Variants in GALNT7 observed in about 807,000 individuals in gnomAD.
GALNT7 encodes N-acetylgalactosaminyltransferase 7.
In GALNT7, 60 loss-of-function variants were observed where a neutral mutation model predicts 82.1. The ratio of observed to expected loss-of-function variants is 0.73; its 90% confidence interval spans 0.59 to 0.91. The LOEUF (loss-of-function observed/expected upper bound fraction) is 0.91, where lower values mean the gene tolerates loss of function less well. GALNT7 is among the 40% of genes least tolerant of loss of function. The probability of loss-of-function intolerance (pLI) is 0.00; values close to 1 mark genes in which losing one functional copy is unlikely to be tolerated. For synonymous variants in GALNT7, 243 were observed against 275.1 expected, an observed-to-expected ratio of 0.88 and a Z score of 1.15; for missense variants, 660 against 804.2, an observed-to-expected ratio of 0.82 and a Z score of 2.17.
intron 2 of GALNT7, among the ~76,000 whole-genome samples, chr4:173,277,884 G>A (rs943163659): frequency 5.9e-5 from 9 of 152,158 alleles, no homozygotes; most frequent in Admixed American, 3.3e-4. Context: ...CATCTTAAGA[G>A]TGCACTAGAT....
At chr4:173,275,264 A>G (rs1404609004) in intron 2 of GALNT7, among the ~76,000 whole-genome samples, 3 of 152,224 alleles carry the variant, frequency 2.0e-5, no homozygotes, top group Non-Finnish European at 4.4e-5. Context: ...TGAATGGTCC[A>G]ATGACGATGT....
intron 2 of GALNT7, among the ~76,000 whole-genome samples, chr4:173,270,778 A>G (rs1735693997): frequency 6.6e-6 from 1 of 152,236 alleles, no homozygotes; most frequent in Admixed American, 6.5e-5. Flanking sequence ...TTCTTCCAGC[A>G]GAGCTCTTGT....
At chr4:173,293,518 C>T (rs897721272) in intron 3 of GALNT7, among the ~76,000 whole-genome samples, 1 of 151,742 alleles carries the variant, frequency 6.6e-6, no homozygotes, top group African/African-American at 2.4e-5. Context: ...CTAATATATT[C>T]AGAAAGTAAA....
In GALNT7 at chr4:173,257,211, A is replaced by G. The variant is rs140028755; in HGVS notation, c.587+8771A>G. Among the ~76,000 whole-genome samples, 298 of 152,318 alleles carry G rather than the reference A, an allele frequency of 2.0e-3. 1 individual carries two copies. Among genetic ancestry groups the G allele is most frequent in the African/African-American group, 6.6e-3 (275 of 41,582 alleles). ...AAAATTGACTTCAACTCCTTGATCT[A>G]TAGGAATCATTTGTGACAGTTTCCC... On this transcript the variant is annotated intron_variant, in intron 2 of 11. Transcript: ENST00000265000.
At chr4:173,181,630 G>A (rs908977420) in intron 1 of GALNT7, among the ~76,000 whole-genome samples, 2 of 152,166 alleles carry the variant, frequency 1.3e-5, no homozygotes, top group Admixed American at 6.5e-5. Flanking sequence ...TGTAGGGTAC[G>A]TGAAAGCACA....
At chr4:173,276,184 G>A (rs1005383933) in intron 2 of GALNT7, among the ~76,000 whole-genome samples, 2 of 152,112 alleles carry the variant, frequency 1.3e-5, no homozygotes, top group Non-Finnish European at 2.9e-5. Flanking sequence ...GTACTCGTGT[G>A]ACAAAGGAGT....
chr4:173,260,837 TAATA>T (rs764297177), intron 2 of GALNT7, among the ~76,000 whole-genome samples: 7 of 152,208 alleles, frequency 4.6e-5, no homozygotes, highest in Non-Finnish European at 8.8e-5. Flanking sequence ...TGCATACATT[TAATA>T]AATATTAATA....
intron 1 of GALNT7, among the ~76,000 whole-genome samples, chr4:173,204,297 A>T (rs979580749): frequency 6.6e-6 from 1 of 152,066 alleles, no homozygotes; most frequent in Non-Finnish European, 1.5e-5. Context: ...TGATTATAGT[A>T]TGTCTTGGTG....
At chr4:173,207,166 C>T (rs182847191) in intron 1 of GALNT7, among the ~76,000 whole-genome samples, 38 of 152,112 alleles carry the variant, frequency 2.5e-4, no homozygotes, top group Non-Finnish European at 5.0e-4. Flanking sequence ...GTTTTGAGTA[C>T]CAGGACTGTG....
In GALNT7 at chr4:173,297,805, A is replaced by T. The variant is rs1015372729; in HGVS notation, c.966-310A>T. On this transcript the variant is annotated intron_variant, in intron 5 of 11. Transcript: ENST00000265000. ...CTGTAAATGTTTCAGAACTACATGT[A>T]CTGTGCCTCTAATAGATTACATAGA... is the stretch of plus-strand genomic sequence containing the variant. 4.2e-6 allele frequency: 6 copies of T among 1,430,668 alleles called. No homozygotes were observed. In the Admixed American group the frequency reaches 1.5e-4, roughly 35 times the overall value. 88.6% of individuals were successfully genotyped at this position (1,430,668 alleles called of 1,614,324 possible).
chr4:173,304,926 A>G (rs1246939008), intron 8 of GALNT7, among the ~76,000 whole-genome samples: 2 of 152,084 alleles, frequency 1.3e-5, no homozygotes, highest in African/African-American at 4.8e-5. Flanking sequence ...TCATCTGTTG[A>G]TGGACACTTA....
At chr4:173,200,755 G>A (rs1732920062) in intron 1 of GALNT7, among the ~76,000 whole-genome samples, 1 of 152,186 alleles carries the variant, frequency 6.6e-6, no homozygotes, top group Non-Finnish European at 1.5e-5. Flanking sequence ...ATTTTTTGTA[G>A]TACAAAGATC....
chr4:173,221,849 A>G (rs1733653924), intron 1 of GALNT7, among the ~76,000 whole-genome samples: 1 of 152,218 alleles, frequency 6.6e-6, no homozygotes, highest in Non-Finnish European at 1.5e-5. Context: ...AATGGGATAT[A>G]TAATTCAGAT....
intron 1 of GALNT7, among the ~76,000 whole-genome samples, chr4:173,233,103 T>C (rs1261930509): frequency 2.0e-5 from 3 of 152,250 alleles, no homozygotes; most frequent in Non-Finnish European, 4.4e-5. Context: ...CCATTGTGTG[T>C]ATACATACCA....
chr4:173,295,952 TGC>T (rs1736704414), intron 5 of GALNT7, 109 bp downstream of exon 5: 1 of 722,976 alleles, frequency 1.4e-6, no homozygotes, highest in Non-Finnish European at 2.5e-6. Flanking sequence ...GCATCGAGTG[TGC>T]TTTAGTGTTA....
chr4:173,209,565 C>T (rs1733205104), intron 1 of GALNT7, among the ~76,000 whole-genome samples: 1 of 152,194 alleles, frequency 6.6e-6, no homozygotes, highest in Non-Finnish European at 1.5e-5. Context: ...AGATTTCACT[C>T]TCAACATTTC....
chr4:173,277,783 G>A (rs554964301), intron 2 of GALNT7, among the ~76,000 whole-genome samples: 22 of 152,298 alleles, frequency 1.4e-4, no homozygotes, highest in Admixed American at 9.1e-4. Flanking sequence ...TGATTTTAAC[G>A]TATGAGAAGA....
At chr4:173,251,165 G>A (rs1032264377) in intron 2 of GALNT7, among the ~76,000 whole-genome samples, 3 of 152,130 alleles carry the variant, frequency 2.0e-5, no homozygotes, top group South Asian at 2.1e-4. Context: ...AATATCTGTC[G>A]AGAATGAATG....
intron 1 of GALNT7, among the ~76,000 whole-genome samples, chr4:173,190,436 A>C (rs1178730574): frequency 1.3e-5 from 2 of 152,192 alleles, no homozygotes; most frequent in Non-Finnish European, 2.9e-5. Flanking sequence ...ATACCGTATA[A>C]TTTTTTAAAT....
Sources: gnomAD v4.1 joint callset for allele counts (sites outside exome capture counted in the v4.1 genomes callset) on GRCh38, gnomAD v4.1.1 for gene constraint, MANE v1.5 for transcripts, NCBI Gene and HGNC (gene_info 2026-07-23, HGNC 2026-07-21) for gene names.